The following FAM184B variants were observed in gnomAD, a reference collection of about 807,000 sequenced individuals.
FAM184B encodes family with sequence similarity 184 member B.
A neutral mutation model predicts 135.9 loss-of-function variants in FAM184B; 111 were observed. The observed-to-expected ratio is 0.82, with a 90% confidence interval of 0.70 to 0.96. FAM184B has a LOEUF of 0.96. Among genes scored for constraint, FAM184B ranks in the 40% least tolerant of loss-of-function variants. The probability of loss-of-function intolerance (pLI) is 0.00; values close to 1 mark genes in which losing one functional copy is unlikely to be tolerated. For missense variants in FAM184B, 1,375 were observed against 1,323.9 expected (o/e 1.04, Z -0.60); for synonymous variants, 552 against 524.8 (o/e 1.05, Z -0.71).
intron 1 of FAM184B, among the ~76,000 whole-genome samples, chr4:17,745,396 C>T (rs1223901494): frequency 2.6e-5 from 4 of 152,142 alleles, no homozygotes; most frequent in African/African-American, 7.2e-5. Context: ...TTCCCCCTGC[C>T]GCTTACCAAG....
At chr4:17,702,751 A>G (rs1237719592) in intron 5 of FAM184B, among the ~76,000 whole-genome samples, 3 of 152,236 alleles carry the variant, frequency 2.0e-5, no homozygotes, top group African/African-American at 7.2e-5. Context: ...TTAAGGCTGA[A>G]GTGAGATTTA....
intron 16 of FAM184B, among the ~76,000 whole-genome samples, chr4:17,634,631 C>G (rs1172257000): frequency 6.6e-6 from 1 of 152,160 alleles, no homozygotes; most frequent in Non-Finnish European, 1.5e-5. Context: ...GCCAAAAATA[C>G]TATTTTTTAA....
intron 5 of FAM184B, among the ~76,000 whole-genome samples, chr4:17,701,839 C>A (rs1171575266): frequency 6.6e-6 from 1 of 152,190 alleles, no homozygotes; most frequent in Non-Finnish European, 1.5e-5. Context: ...TTCTCAGACA[C>A]TATGCTCAGA....
intron 1 of FAM184B, among the ~76,000 whole-genome samples, chr4:17,713,333 TCC>T (rs1381741485): frequency 6.6e-6 from 1 of 152,158 alleles, no homozygotes; most frequent in Non-Finnish European, 1.5e-5. Context: ...GAGAAGGAAG[TCC>T]CCTTGTCCTT....
rs780688794 is a variant in FAM184B at position 17,639,286 on chromosome 4, G to A, written c.2630C>T (p.Ala877Val). 5.2e-6 allele frequency: 8 copies of A among 1,551,594 alleles called. No individual in the cohort carries two copies. Among genetic ancestry groups the A allele is most frequent in the Admixed American group, 3.9e-5 (2 of 50,976 alleles). Residue 877 changes from alanine (A) to valine (V), a missense_variant, in exon 14 of 18, where the codon GCC becomes GTC. Physicochemically the swap from Ala to Val is moderately conservative, Grantham distance 64 (BLOSUM62 0). Coordinates refer to ENST00000265018, the MANE Select transcript of FAM184B (RefSeq NM_015688.2). ...GGCAGCCAGCCGGGCCTGGAGCTGG[G>A]CCTGGGCACTACTGAAATCTGCCAC... ...AMVADFSSAQ[A>V]QLQARLAALE...
intron 7 of FAM184B, among the ~76,000 whole-genome samples, chr4:17,678,119 G>T (rs1716356772): frequency 6.6e-6 from 1 of 152,146 alleles, no homozygotes; most frequent in East Asian, 1.9e-4. Context: ...ACAAAACAAG[G>T]TTGCCCACTC....
chr4:17,765,811 T>G lies in FAM184B; in HGVS notation c.141+15348A>C, dbSNP rs182219863. Among the ~76,000 whole-genome samples, 216 of 152,302 alleles carry G rather than the reference T, an allele frequency of 1.4e-3. 1 individual carries two copies. Among genetic ancestry groups the G allele is most frequent in the Middle Eastern group, 6.8e-3 (2 of 294 alleles). On this transcript the variant is annotated intron_variant, in intron 1 of 17. Coordinates refer to ENST00000265018, the MANE Select transcript of FAM184B (RefSeq NM_015688.2). ...TACTTAAAGGTGGTGTGTCCAGAGT[T>G]TGTTCCTTCTGATATTCAGATGTGT...
intron 5 of FAM184B, among the ~76,000 whole-genome samples, chr4:17,703,230 C>T (rs1487490003): frequency 2.6e-5 from 4 of 152,214 alleles, no homozygotes; most frequent in Non-Finnish European, 5.9e-5. Flanking sequence ...GGCATGGTGG[C>T]GCATGCCTAT....
chr4:17,643,082 A>AT (rs1715369721), intron 12 of FAM184B, among the ~76,000 whole-genome samples: 1 of 152,210 alleles, frequency 6.6e-6, no homozygotes, highest in Non-Finnish European at 1.5e-5. Flanking sequence ...GCACTCTCAC[A>AT]TGCATAGCCT....
At chr4:17,722,407 C>G (rs1271656900) in intron 1 of FAM184B, among the ~76,000 whole-genome samples, 1 of 152,226 alleles carries the variant, frequency 6.6e-6, no homozygotes, top group Non-Finnish European at 1.5e-5. Flanking sequence ...AGGTCCCCAA[C>G]AAAGCTGGGC....
intron 1 of FAM184B, among the ~76,000 whole-genome samples, chr4:17,765,890 G>C (rs1191701857): frequency 1.3e-5 from 2 of 152,150 alleles, no homozygotes; most frequent in East Asian, 1.9e-4. Flanking sequence ...CAGAAGTGAA[G>C]CTGCAGACCT....
At chr4:17,763,429 C>T (rs1718591190) in intron 1 of FAM184B, among the ~76,000 whole-genome samples, 1 of 152,088 alleles carries the variant, frequency 6.6e-6, no homozygotes, top group Admixed American at 6.6e-5. Context: ...CAGGCACATG[C>T]ACCTGTACTC....
intron 6 of FAM184B, among the ~76,000 whole-genome samples, chr4:17,691,483 C>T (rs535920970): frequency 9.2e-5 from 14 of 151,750 alleles, no homozygotes; most frequent in Middle Eastern, 6.9e-3. Flanking sequence ...CTCAGGAGTT[C>T]GCGACCAGCC....
intron 1 of FAM184B, among the ~76,000 whole-genome samples, chr4:17,768,504 T>C (rs573028172): frequency 6.6e-6 from 1 of 152,300 alleles, no homozygotes; most frequent in Non-Finnish European, 1.5e-5. Flanking sequence ...CTTGAACTCT[T>C]AACCTCAGGT....
At chr4:17,779,339 C>T (rs1227862425) in intron 1 of FAM184B, among the ~76,000 whole-genome samples, 1 of 152,148 alleles carries the variant, frequency 6.6e-6, no homozygotes. Context: ...CTATTAATAA[C>T]AAAAACTTCT....
chr4:17,688,252 G>T (rs1018252365), intron 7 of FAM184B, among the ~76,000 whole-genome samples, 172 bp downstream of exon 7: 7 of 145,308 alleles, frequency 4.8e-5, no homozygotes, highest in Admixed American at 2.9e-4. Flanking sequence ...TTTCCTTCGT[G>T]GTTTCTGTGA....
At chr4:17,636,798 G>C (rs1447679898) in intron 14 of FAM184B, among the ~76,000 whole-genome samples, 153 bp from the exon 15 acceptor site, 3 of 152,162 alleles carry the variant, frequency 2.0e-5, no homozygotes, top group Non-Finnish European at 2.9e-5. Flanking sequence ...CCCCTGGGGA[G>C]ATGGCTTGCC....
chr4:17,695,127 A>T (rs1716825216), intron 5 of FAM184B, among the ~76,000 whole-genome samples: 1 of 148,130 alleles, frequency 6.8e-6, no homozygotes, highest in Non-Finnish European at 1.5e-5. Flanking sequence ...GGTTGCAATT[A>T]TATTTGGATA....
intron 1 of FAM184B, among the ~76,000 whole-genome samples, chr4:17,760,517 C>G (rs1281990035): frequency 6.6e-6 from 1 of 151,954 alleles, no homozygotes; most frequent in African/African-American, 2.4e-5. Context: ...ACAAAAAACC[C>G]TGAAATTCTA....
Sources: gnomAD v4.1 joint callset for allele counts (sites outside exome capture counted in the v4.1 genomes callset) on GRCh38, gnomAD v4.1.1 for gene constraint, MANE v1.5 for transcripts, NCBI Gene and HGNC (gene_info 2026-07-23, HGNC 2026-07-21) for gene names.